The following SETBP1 variants were observed in gnomAD, a reference collection of about 807,000 sequenced individuals.
The protein encoded by SETBP1 is SET binding protein 1, also known as SET-binding protein.
Under a neutral mutation model 101.0 loss-of-function variants are expected in SETBP1, and 9 were observed. The observed-to-expected ratio is 0.09, with a 90% confidence interval of 0.05 to 0.16. The LOEUF (loss-of-function observed/expected upper bound fraction) is 0.16, where lower values mean the gene tolerates loss of function less well. SETBP1 is among the 10% of genes least tolerant of loss of function. The pLI, the probability that SETBP1 is intolerant of heterozygous loss-of-function variation, is 1.00. For missense variants in SETBP1, 1,858 were observed against 2,033.8 expected, an observed-to-expected ratio of 0.91 and a Z score of 1.66; for synonymous variants, 818 against 788.5, an observed-to-expected ratio of 1.04 and a Z score of -0.63.
At chr18:44,872,349 G>A (rs2069296079) in intron 3 of SETBP1, among the ~76,000 whole-genome samples, 2 of 150,758 alleles carry the variant, frequency 1.3e-5, no homozygotes, top group Non-Finnish European at 3.0e-5. Context: ...GACATTTTGG[G>A]GTATAGTCTT....
chr18:44,868,670 G>A (rs1005864883), intron 2 of SETBP1, among the ~76,000 whole-genome samples: 1 of 90,916 alleles, frequency 1.1e-5, no homozygotes, highest in Non-Finnish European at 2.2e-5. Context: ...ACTCCAGCGA[G>A]AGAGAGAGAG....
intron 2 of SETBP1, among the ~76,000 whole-genome samples, chr18:44,812,778 G>A (rs2071890763): frequency 6.6e-6 from 1 of 152,178 alleles, no homozygotes; most frequent in Admixed American, 6.5e-5. Flanking sequence ...AGCTGGAAAA[G>A]GATACCTTAT....
At chr18:44,920,716 A>G (rs1179910635) in intron 3 of SETBP1, among the ~76,000 whole-genome samples, 1 of 152,214 alleles carries the variant, frequency 6.6e-6, no homozygotes, top group Non-Finnish European at 1.5e-5. Flanking sequence ...AGTCCCTATC[A>G]CATGAGTTAG....
intron 2 of SETBP1, among the ~76,000 whole-genome samples, chr18:44,844,343 ACACACGCGCG>A (rs2144545279): frequency 2.3e-5 from 1 of 44,052 alleles, no homozygotes; most frequent in Non-Finnish European, 4.7e-5. Context: ...ACACACGTGC[ACACACGCGCG>A]CACACACACA....
At chr18:44,724,415 G>C (rs967406928) in intron 2 of SETBP1, among the ~76,000 whole-genome samples, 2 of 152,186 alleles carry the variant, frequency 1.3e-5, no homozygotes, top group Admixed American at 1.3e-4. Flanking sequence ...ATATAGGGTG[G>C]GGGAGGGGAG....
rs538777364 is a variant in SETBP1, at chr18:44,778,285, T to G, written c.486+76453T>G. Among the ~76,000 whole-genome samples the G allele has an allele frequency of 1.1e-4, 16 of 152,290 alleles. 1 individual carries two copies. In the South Asian group the frequency reaches 3.3e-3, roughly 32 times the overall value. ...TCCCATCCCCCTCTTATTCTCAGCC[T>G]AGGGGGGCCTATTCTCAAAAACCTG... On this transcript the variant is annotated intron_variant, in intron 2 of 5. Transcript: ENST00000649279.
intron 3 of SETBP1, among the ~76,000 whole-genome samples, chr18:44,894,069 G>T (rs2069834901): frequency 6.6e-6 from 1 of 152,092 alleles, no homozygotes; most frequent in Non-Finnish European, 1.5e-5. Flanking sequence ...ACCTTAGAGT[G>T]AAAAGAGATG....
rs768569714 is a variant in SETBP1 at position 44,952,100 on chromosome 18, G to T, written c.2760G>T (p.Lys920Asn). Residue 920 changes from lysine (K) to asparagine (N), a missense_variant, in exon 4 of 6, where the codon AAG becomes AAT. Lys to Asn is a moderately conservative substitution (Grantham distance 94). This residue lies in a region of SETBP1 where 255 missense variants were observed against 300.1 expected (regional missense o/e 0.85). Transcript: ENST00000649279. The stretch of plus-strand genomic sequence containing the variant: ...AGAACCGGCATGGCCACCGGCAAAA[G>T]CATCTCATTGTGGACAACTTTCTGG... ...STKNRHGHRQ[K>N]HLIVDNFLAH... The T allele has an allele frequency of 1.2e-6, 2 of 1,614,062 alleles. No individual in the cohort carries two copies. The highest frequency in any genetic ancestry group is 2.2e-5 in the South Asian group (2 of 91,072).
At chr18:44,815,885 C>G (rs2071964506) in intron 2 of SETBP1, among the ~76,000 whole-genome samples, 1 of 152,178 alleles carries the variant, frequency 6.6e-6, no homozygotes, top group African/African-American at 2.4e-5. Context: ...AAGTCACAAG[C>G]TTGAAAGAGA....
At chr18:44,740,855 C>CA (rs980959380) in intron 2 of SETBP1, among the ~76,000 whole-genome samples, 35 of 152,302 alleles carry the variant, frequency 2.3e-4, no homozygotes, top group Admixed American at 2.2e-3. Flanking sequence ...TGATGATCTA[C>CA]ATTCACAAAA....
intron 4 of SETBP1, among the ~76,000 whole-genome samples, chr18:45,016,193 A>C (rs1325139565): frequency 6.6e-6 from 1 of 152,116 alleles, no homozygotes; most frequent in East Asian, 1.9e-4. Flanking sequence ...AGGGTGGGGG[A>C]GGTTTTCCCT....
chr18:44,781,485 C>G (rs1339836376), intron 2 of SETBP1, among the ~76,000 whole-genome samples: 3 of 150,586 alleles, frequency 2.0e-5, no homozygotes, highest in Admixed American at 1.3e-4. Context: ...CTCTGTCTCT[C>G]TCTCTCTCTC....
chr18:44,740,931 T>C (rs1479014924), intron 2 of SETBP1, among the ~76,000 whole-genome samples: 1 of 152,246 alleles, frequency 6.6e-6, no homozygotes, highest in East Asian at 1.9e-4. Context: ...TACATCTTGA[T>C]TTCTCAGTTC....
At chr18:44,900,869 AG>A (rs886279380) in intron 3 of SETBP1, among the ~76,000 whole-genome samples, 10 of 152,298 alleles carry the variant, frequency 6.6e-5, no homozygotes, top group Admixed American at 2.6e-4. Flanking sequence ...TAATTGCCCA[AG>A]GGCACTTGGC....
chr18:44,834,109 A>G (rs1230127201), intron 2 of SETBP1, among the ~76,000 whole-genome samples: 1 of 152,212 alleles, frequency 6.6e-6, no homozygotes, highest in East Asian at 1.9e-4. Flanking sequence ...AACTCAGGGA[A>G]GGCATTAAAC....
At chr18:45,041,185 CA>C (rs1350236517) in intron 5 of SETBP1, among the ~76,000 whole-genome samples, 1 of 152,152 alleles carries the variant, frequency 6.6e-6, no homozygotes, top group Admixed American at 6.6e-5. Context: ...CCAACATGAG[CA>C]AAGGCAGATT....
At chr18:44,961,633 T>C (rs1039643924) in intron 4 of SETBP1, among the ~76,000 whole-genome samples, 1 of 152,228 alleles carries the variant, frequency 6.6e-6, no homozygotes, top group African/African-American at 2.4e-5. Context: ...GATTCCCTTA[T>C]ACTATGTCAT....
intron 4 of SETBP1, among the ~76,000 whole-genome samples, chr18:45,028,427 T>G (rs1243210695): frequency 6.6e-6 from 1 of 152,120 alleles, no homozygotes; most frequent in Non-Finnish European, 1.5e-5. Flanking sequence ...ACATTTGGGT[T>G]GGTTCCAAGT....
At chr18:44,958,657 A>G (rs2071545389) in intron 4 of SETBP1, among the ~76,000 whole-genome samples, 1 of 152,102 alleles carries the variant, frequency 6.6e-6, no homozygotes, top group Admixed American at 6.6e-5. Flanking sequence ...GGGCAGGGAA[A>G]GGGAGAGAGA....
Sources: allele counts gnomAD v4.1 joint callset (sites outside exome capture counted in the v4.1 genomes callset), GRCh38; gene constraint gnomAD v4.1.1; regional missense constraint gnomAD v4.1.1; transcripts MANE v1.5; gene names NCBI Gene and HGNC (gene_info 2026-07-23, HGNC 2026-07-21).